SYNM: variants seen among roughly 807,000 people sequenced by gnomAD.
SYNM encodes the protein desmuslin.
A neutral mutation model predicts 104.0 loss-of-function variants in SYNM; 95 were observed. The ratio of observed to expected loss-of-function variants is 0.91; its 90% CI spans 0.77 to 1.08. The LOEUF (loss-of-function observed/expected upper bound fraction) is 1.08. Ranked by LOEUF, SYNM falls within the 50% of genes least tolerant of loss-of-function variation. The pLI is 0.00. For synonymous variants in SYNM, 918 were observed against 869.0 expected, an observed-to-expected ratio of 1.06 and a Z score of -0.99; for missense variants, 2,150 against 2,052.2, an observed-to-expected ratio of 1.05 and a Z score of -0.92.
intron 3 of SYNM, chr15:99,128,974 A>G (rs1472506274): frequency 5.3e-6 from 1 of 187,298 alleles, no homozygotes; most frequent in Non-Finnish European, 1.1e-5. Context: ...TCTCTGCTAC[A>G]GTAAATTAAA....
In SYNM at chr15:99,105,632, G is replaced by C; in HGVS notation, c.433G>C (p.Asp145His). ...GRLQAERRGLDAAHERDVREL... is the reference protein window; with the variant it reads ...GRLQAERRGLHAAHERDVREL... ...GCTGCAGGCCGAGCGCCGAGGCCTCGACGCGGCCCACGAACGCGACGTGAG... is the reference window on the plus strand; with the variant it reads ...GCTGCAGGCCGAGCGCCGAGGCCTCCACGCGGCCCACGAACGCGACGTGAG... Residue 145 changes from aspartate to histidine, a missense_variant, in exon 1 of 4, where the codon GAC becomes CAC. Physicochemically the swap from Asp to His is moderately conservative, Grantham distance 81. Coordinates refer to ENST00000336292, the MANE Select transcript of SYNM (RefSeq NM_145728.3). The C allele has an allele frequency of 7.5e-7, 1 of 1,326,456 alleles. No homozygotes were observed. 82.2% of individuals were successfully genotyped at this position (1,326,456 alleles called of 1,614,324 possible). A position where few individuals can be genotyped will look rare whatever the true frequency, so the allele number is the denominator to read the frequency against.
chr15:99,133,261 AT>A lies in SYNM; in HGVS notation c.*207del. 1 of 1,114,500 alleles carries A rather than the reference AT, an allele frequency of 9.0e-7. No homozygotes were observed. Among genetic ancestry groups the A allele is most frequent in the Non-Finnish European group, 1.2e-6 (1 of 824,178 alleles). 69.0% of individuals were successfully genotyped at this position (1,114,500 alleles called of 1,614,324 possible). A position where few individuals can be genotyped will look rare whatever the true frequency, so the allele number is the denominator to read the frequency against. ...AATTCATGCCTTAAAAGGCACTGCA[AT>A]TTTATTTTTGAGTTGGGACTTTTAC... On this transcript the variant is annotated 3_prime_UTR_variant, in exon 4 of 4. Coordinates refer to ENST00000336292, the MANE Select transcript of SYNM (RefSeq NM_145728.3).
downstream of SYNM, among the ~76,000 whole-genome samples, chr15:99,138,325 T>G (rs553856060): frequency 6.6e-6 from 1 of 152,162 alleles, no homozygotes; most frequent in East Asian, 1.9e-4. Flanking sequence ...TTTAATTTTT[T>G]TTTTTTCAGA....
At chr15:99,129,271 T>C in intron 3 of SYNM, 96 bp from the exon 4 acceptor site, 2 of 1,490,096 alleles carry the variant, frequency 1.3e-6, no homozygotes, top group Non-Finnish European at 1.8e-6. Context: ...GTATATTTAT[T>C]ATGATGGAAT....
At chr15:99,138,447 A>G (rs1475879606), downstream of SYNM, among the ~76,000 whole-genome samples, 1 of 151,876 alleles carries the variant, frequency 6.6e-6, no homozygotes, top group Non-Finnish European at 1.5e-5. Context: ...CCGAGTAGCC[A>G]GGATTACAGG....
chr15:99,105,124 C>T lies in SYNM; in HGVS notation c.-76C>T, dbSNP rs1408078288. The T allele has an allele frequency of 2.0e-6, 3 of 1,472,518 alleles. No homozygotes were observed. Among genetic ancestry groups the T allele is most frequent in the African/African-American group, 2.9e-5 (2 of 68,616 alleles). The allele number at this position is 1,472,518 out of a possible 1,614,324, so 91.2% of individuals were successfully genotyped here. A position where few individuals can be genotyped will look rare whatever the true frequency, so the allele number is the denominator to read the frequency against. ...CAGCGGCGAGGCCGGAGCGTCGCGG[C>T]GGAGAGGACGAGACCGGGACAAGAC... On this transcript the variant is annotated 5_prime_UTR_variant, in exon 1 of 4. Coordinates refer to ENST00000336292, the MANE Select transcript of SYNM (RefSeq NM_145728.3).
At chr15:99,108,137 G>C (rs1354087761) in intron 1 of SYNM, among the ~76,000 whole-genome samples, 1 of 151,868 alleles carries the variant, frequency 6.6e-6, no homozygotes, top group East Asian at 1.9e-4. Flanking sequence ...ACCCCGCCTG[G>C]CTAATTTTTG....
intron 1 of SYNM, among the ~76,000 whole-genome samples, chr15:99,110,515 G>A (rs184040630): frequency 5.1e-4 from 78 of 152,296 alleles, no homozygotes; most frequent in Middle Eastern, 3.4e-3. Context: ...CATCCAGTTC[G>A]TGCTTATTGT....
intron 1 of SYNM, among the ~76,000 whole-genome samples, chr15:99,106,501 A>G (rs904397388): frequency 2.0e-5 from 3 of 152,200 alleles, no homozygotes; most frequent in Non-Finnish European, 4.4e-5. Context: ...ATGATTTCCC[A>G]GTTGGAAGCC....
intron 2 of SYNM, among the ~76,000 whole-genome samples, chr15:99,114,494 A>G (rs1188991567): frequency 6.6e-6 from 1 of 151,966 alleles, no homozygotes; most frequent in Admixed American, 6.5e-5. Context: ...GTCTGTGTCT[A>G]TCTGCTTGAT....
rs1555485802 is a variant in SYNM, at chr15:99,131,257, A to G, written c.2897A>G (p.Glu966Gly). ...LEETLPERMREELSALTREGQ... is the reference protein window; with the variant it reads ...LEETLPERMRGELSALTREGQ... ...GAAACCCTTCCCGAGCGCATGAGGG[A>G]GGAGCTGTCCGCCCTCACCAGAGAG... The change falls in exon 4 of 4, where the codon GAG (glutamate) becomes GGG (glycine). Residue 966 changes from glutamate (E) to glycine (G), a missense_variant. Physicochemically the swap from Glu to Gly is moderately conservative, Grantham distance 98. Transcript: ENST00000336292. The surrounding 1 kb of genome is among the most constrained non-coding windows in gnomAD (Gnocchi z 4.3). 6.2e-7 allele frequency: 1 copy of G among 1,609,448 alleles called. No individual in the cohort carries two copies. The highest frequency in any genetic ancestry group is 1.3e-5 in the African/African-American group (1 of 74,784).
intron 2 of SYNM, among the ~76,000 whole-genome samples, chr15:99,123,638 G>A (rs1238101230): frequency 2.0e-5 from 3 of 152,196 alleles, no homozygotes; most frequent in African/African-American, 4.8e-5. Flanking sequence ...GCGGCTCTGC[G>A]GCTCCTTCTC....
At position 99,131,705 on chromosome 15, in the gene SYNM, G is replaced by C; in HGVS notation, c.3345G>C (p.Gln1115His). 3 of 1,613,618 alleles carry C rather than the reference G, an allele frequency of 1.9e-6. No homozygotes were observed. The highest frequency in any genetic ancestry group is 2.5e-6 in the Non-Finnish European group (3 of 1,179,868). Residue 1115 changes from glutamine to histidine, a missense_variant, in exon 4 of 4, where the codon CAG becomes CAC. By Grantham distance (24) the Gln-to-His change is conservative. Transcript: ENST00000336292. The surrounding 1 kb of genome is among the most constrained non-coding windows in gnomAD (Gnocchi z 4.3). ...VSSPTGFAQS[Q>H]VLEDVSQAAR... ...GCCCCACAGGCTTTGCCCAGTCACA[G>C]GTGCTGGAGGATGTGAGCCAGGCTG...
At position 99,105,345 on chromosome 15, in the gene SYNM, G is replaced by C. The variant is rs1555482365; in HGVS notation, c.146G>C (p.Arg49Pro). 1 of 1,538,364 alleles carries C rather than the reference G, an allele frequency of 6.5e-7. No homozygotes were observed. Among genetic ancestry groups the C allele is most frequent in the African/African-American group, 1.4e-5 (1 of 72,448 alleles). The change falls in exon 1 of 4, where the codon CGA becomes CCA. Residue 49 changes from arginine to proline, a missense_variant. Arg to Pro is a moderately radical substitution (Grantham distance 103). Transcript: ENST00000336292. ...LEEELRGRRGREGLWAEGQAR... is the reference protein window; with the variant it reads ...LEEELRGRRGPEGLWAEGQAR... ...GAGGAGCTGCGCGGCCGGCGCGGGC[G>C]AGAGGGCCTGTGGGCCGAGGGGCAG... is the stretch of plus-strand genomic sequence containing the variant.
chr15:99,132,357 C>T lies in SYNM; in HGVS notation c.3997C>T (p.Leu1333=). Reference sequence around the variant, plus strand: ...AGTTTACCATGGGCTGGTTCCCCAACTGGGGGAATCTGGTGACTCAGAGAG... The same window carrying T: ...AGTTTACCATGGGCTGGTTCCCCAATTGGGGGAATCTGGTGACTCAGAGAG... The part of the protein sequence containing the change: ...QIVYHGLVPQ[L]GESGDSESTV... The change falls in exon 4 of 4, where the codon CTG becomes TTG. Residue 1333 remains leucine (L), a synonymous_variant. Coordinates refer to ENST00000336292, the MANE Select transcript of SYNM (RefSeq NM_145728.3). 6.2e-7 allele frequency: 1 copy of T among 1,613,852 alleles called. No homozygotes were observed. Among genetic ancestry groups the T allele is most frequent in the Non-Finnish European group, 8.5e-7 (1 of 1,179,764 alleles).
rs1380582931 is a variant in SYNM at position 99,105,572 on chromosome 15, G to A, written c.373G>A (p.Gly125Ser). ...GCAGCGCGAGCTGCAGGAGGCGCTG[G>A]GCGCGCGCGCCGCCCTCGAGGCGCT... ...AQQRELQEAL[G>S]ARAALEALLG... is the part of the protein sequence containing the mutation. The change falls in exon 1 of 4, where the codon GGC (glycine) becomes AGC (serine). Residue 125 changes from glycine (G) to serine (S), a missense_variant. Coordinates refer to ENST00000336292, the MANE Select transcript of SYNM (RefSeq NM_145728.3). 2.6e-6 allele frequency: 3 copies of A among 1,163,572 alleles called. No homozygotes were observed. Among genetic ancestry groups the A allele is most frequent in the Admixed American group, 9.5e-5 (2 of 21,148 alleles). The allele number at this position is 1,163,572 out of a possible 1,614,324, so 72.1% of individuals were successfully genotyped here.
rs1555482545 is a variant in SYNM at position 99,105,692 on chromosome 15, C to T, written c.493C>T (p.His165Tyr). 2.7e-6 allele frequency: 4 copies of T among 1,484,516 alleles called. No individual in the cohort carries two copies. The highest frequency in any genetic ancestry group is 1.5e-5 in the African/African-American group (1 of 67,880). 92.0% of individuals were successfully genotyped at this position (1,484,516 alleles called of 1,614,324 possible). The change falls in exon 1 of 4, where the codon CAT (histidine) becomes TAT (tyrosine). Residue 165 changes from histidine (H) to tyrosine (Y), a missense_variant. By Grantham distance (83) the His-to-Tyr change is moderately conservative (BLOSUM62 2). Coordinates refer to ENST00000336292, the MANE Select transcript of SYNM (RefSeq NM_145728.3). ...LRARAASLTM[H>Y]FRARATGPAA... is the part of the protein sequence containing the mutation. ...CGCGCGCGCCGCCAGCCTTACCATG[C>T]ATTTCCGCGCCCGCGCCACCGGCCC...
In SYNM at chr15:99,120,191, T is replaced by C. The variant is rs373327795; in HGVS notation, c.935+6476T>C. Among the ~76,000 whole-genome samples, 52 of 152,348 alleles carry C rather than the reference T, an allele frequency of 3.4e-4. No homozygotes were observed. The South Asian group carries it at 0.011, about 32-fold the overall frequency. ...CAAGGCTGTTCCCTCCATGCCCTGT[T>C]GAACGTGGAATTAGAAAGGAGCTGG... On this transcript the variant is annotated intron_variant, in intron 2 of 3. Transcript: ENST00000336292.
Position 99,131,270 on chromosome 15 carries a change from C to T in SYNM, c.2910C>T (p.Ala970=), listed in dbSNP as rs961775209. The T allele has an allele frequency of 2.5e-6, 4 of 1,611,780 alleles. No homozygotes were observed. Among genetic ancestry groups the T allele is most frequent in the Non-Finnish European group, 2.5e-6 (3 of 1,179,260 alleles). ...LPERMREELS[A]LTREGQGGPG... Reference sequence around the variant, plus strand: ...AGCGCATGAGGGAGGAGCTGTCCGCCCTCACCAGAGAGGGGCAGGGTGGGC... The same window carrying T: ...AGCGCATGAGGGAGGAGCTGTCCGCTCTCACCAGAGAGGGGCAGGGTGGGC... Residue 970 remains alanine, a synonymous_variant, in exon 4 of 4, where the codon GCC becomes GCT. Coordinates refer to ENST00000336292, the MANE Select transcript of SYNM (RefSeq NM_145728.3). This position sits in a 1 kb window ranked among gnomAD's most constrained non-coding sequence, Gnocchi z 4.3.
Sources: allele counts gnomAD v4.1 joint callset (sites outside exome capture counted in the v4.1 genomes callset), GRCh38; gene constraint gnomAD v4.1.1; non-coding constraint Gnocchi (gnomAD v3.1); transcripts MANE v1.5; gene names NCBI Gene and HGNC (gene_info 2026-07-23, HGNC 2026-07-21).